CLEC4F: variants seen among roughly 807,000 people sequenced by gnomAD.
The protein encoded by CLEC4F is C-type lectin domain family 4 member F.
In CLEC4F, 45 loss-of-function variants were observed where a neutral mutation model predicts 53.4. The observed-to-expected ratio is 0.84, with a 90% CI of 0.66 to 1.08. The LOEUF (loss-of-function observed/expected upper bound fraction) is 1.08, where lower values mean the gene tolerates loss of function less well. Among genes scored for constraint, CLEC4F ranks in the 50% least tolerant of loss-of-function variants. The pLI, the probability that CLEC4F is intolerant of heterozygous loss-of-function variation, is 0.00. For missense variants in CLEC4F, 753 were observed against 698.2 expected (o/e 1.08, Z -0.88); for synonymous variants, 245 against 257.5 (o/e 0.95, Z 0.46).
chr2:70,820,465 TG>T lies in CLEC4F; in HGVS notation c.58del (p.Gln20LysfsTer28). On this transcript the variant is annotated frameshift_variant, in exon 1 of 7. Coordinates refer to ENST00000272367, the MANE Select transcript of CLEC4F (RefSeq NM_173535.3). LOFTEE classifies it high-confidence loss of function. The stretch of plus-strand genomic sequence containing the variant: ...AGCTGGGGCCCCAGTTTTCTCACCT[TG>T]GGGGTGCAGGGAGACACACTGGTTA... ...TDNQCVSLHPQEVDSVAMAPA... is the reference protein window; with the variant it reads ...TDNQCVSLHPXEVDSVAMAPA... 6.3e-7 allele frequency: 1 copy of T among 1,584,412 alleles called. No homozygotes were observed. The highest frequency in any genetic ancestry group is 8.6e-7 in the Non-Finnish European group (1 of 1,163,144).
chr2:70,809,528 ACACACATAC>A, intron 6 of CLEC4F, 146 bp from the exon 7 acceptor site: 1 of 924,834 alleles, frequency 1.1e-6, no homozygotes, highest in Non-Finnish European at 1.6e-6. Context: ...CACACACATC[ACACACATAC>A]CACACATACA....
intron 6 of CLEC4F, 63 bp downstream of exon 6, chr2:70,809,651 TACCACTTACTGGGAAGGGACACACA>T: frequency 9.8e-7 from 1 of 1,025,572 alleles, no homozygotes; most frequent in Non-Finnish European, 1.5e-6. Context: ...CACACAACAC[TACCACTTACTGGGAAGGGACACACA>T]GTGTGTAGCT....
Position 70,820,587 on chromosome 2 carries a change from G to T in CLEC4F, c.-64C>A. ...TGGCTCCTGGAAGGGCCGTCCCGTGGACCAATGGCAGTGGAAGCAAAGCTG... is the reference window on the plus strand; with the variant it reads ...TGGCTCCTGGAAGGGCCGTCCCGTGTACCAATGGCAGTGGAAGCAAAGCTG... On this transcript the variant is annotated 5_prime_UTR_variant, in exon 1 of 7. Coordinates refer to ENST00000272367, the MANE Select transcript of CLEC4F (RefSeq NM_173535.3). 4.0e-6 allele frequency: 6 copies of T among 1,494,706 alleles called. No homozygotes were observed. The highest frequency in any genetic ancestry group is 1.2e-5 in the South Asian group (1 of 80,600). The allele number at this position is 1,494,706 out of a possible 1,614,324, so 92.6% of individuals were successfully genotyped here.
intron 4 of CLEC4F, among the ~76,000 whole-genome samples, chr2:70,815,121 A>G (rs1367144321): frequency 1.3e-5 from 2 of 152,112 alleles, no homozygotes; most frequent in African/African-American, 4.8e-5. Flanking sequence ...TGGCTGCCCC[A>G]AACACTCCCT....
At chr2:70,817,434 G>T (rs1676987227) in intron 3 of CLEC4F, among the ~76,000 whole-genome samples, 1 of 152,172 alleles carries the variant, frequency 6.6e-6, no homozygotes, top group Non-Finnish European at 1.5e-5. Context: ...CGTTATAATT[G>T]CTCAACTTGA....
chr2:70,818,011 A>C (rs1454845531), intron 3 of CLEC4F, among the ~76,000 whole-genome samples: 1 of 152,188 alleles, frequency 6.6e-6, no homozygotes, highest in East Asian at 1.9e-4. Flanking sequence ...ACTAGGACCT[A>C]ATCTCACACA....
In CLEC4F at chr2:70,816,377, T is replaced by G; in HGVS notation, c.1004A>C (p.Lys335Thr). 3 of 1,613,978 alleles carry G rather than the reference T, an allele frequency of 1.9e-6. No individual in the cohort carries two copies. Among genetic ancestry groups the G allele is most frequent in the Non-Finnish European group, 2.5e-6 (3 of 1,179,972 alleles). Reference protein sequence around the residue: ...ERAGDEIHVLKRDLKMVTAQT... With the variant: ...ERAGDEIHVLTRDLKMVTAQT... ...GGCTGTGACCATTTTCAAATCCCTT[T>G]TTAACACGTGAATTTCATCACCAGC... Residue 335 changes from lysine to threonine, a missense_variant, in exon 4 of 7, where the codon AAA (lysine) becomes ACA (threonine). Physicochemically the swap from Lys to Thr is moderately conservative, Grantham distance 78. Transcript: ENST00000272367.
At chr2:70,822,479 A>T (rs1677252533), upstream of CLEC4F, among the ~76,000 whole-genome samples, 1 of 152,122 alleles carries the variant, frequency 6.6e-6, no homozygotes, top group Non-Finnish European at 1.5e-5. Flanking sequence ...GCCTAGCATT[A>T]GAAGAGAAGG....
intron 3 of CLEC4F, among the ~76,000 whole-genome samples, chr2:70,817,445 A>G (rs1676987823): frequency 1.3e-5 from 2 of 152,206 alleles, no homozygotes; most frequent in Admixed American, 6.5e-5. Context: ...CTCAACTTGA[A>G]AGTAACTGAT....
At chr2:70,812,683 G>T (rs1676634248) in intron 4 of CLEC4F, 85 bp from the exon 5 acceptor site, 1 of 1,364,338 alleles carries the variant, frequency 7.3e-7, no homozygotes, top group Non-Finnish European at 1.0e-6. Flanking sequence ...TCTAGGGCCT[G>T]CCCACTGAGG....
intron 3 of CLEC4F, among the ~76,000 whole-genome samples, chr2:70,818,486 C>G (rs1446089080): frequency 1.3e-5 from 2 of 151,980 alleles, no homozygotes; most frequent in Non-Finnish European, 2.9e-5. Flanking sequence ...CTGAGGTGGG[C>G]AGATCACGAG....
At position 70,817,020 on chromosome 2, in the gene CLEC4F, T is replaced by G. The variant is rs1553396489; in HGVS notation, c.361A>C (p.Ile121Leu). 1 of 1,614,182 alleles carries G rather than the reference T, an allele frequency of 6.2e-7. No homozygotes were observed. The highest frequency in any genetic ancestry group is 2.2e-5 in the East Asian group (1 of 44,888). ...MENSSAWVVE[I>L]QMLKCRVDNV... Reference sequence around the variant, plus strand: ...TCCACTCTGCACTTCAACATCTGGATTTCTACTACCCAGGCACTGGAATTC... The same window carrying G: ...TCCACTCTGCACTTCAACATCTGGAGTTCTACTACCCAGGCACTGGAATTC... The change falls in exon 4 of 7, where the codon ATC becomes CTC. Residue 121 changes from isoleucine (I) to leucine (L), a missense_variant. By Grantham distance (5) the Ile-to-Leu change is conservative. Transcript: ENST00000272367.
chr2:70,824,632 A>AAAAAAAAAAC (rs1553398635), upstream of CLEC4F, among the ~76,000 whole-genome samples: 2 of 149,384 alleles, frequency 1.3e-5, no homozygotes, highest in Non-Finnish European at 3.0e-5. Flanking sequence ...CAAAAAAAAA[A>AAAAAAAAAAC]AAAAAAAAAA....
chr2:70,809,190 T>A lies in CLEC4F; in HGVS notation c.*81A>T. 1 of 1,568,180 alleles carries A rather than the reference T, an allele frequency of 6.4e-7. No individual in the cohort carries two copies. Among genetic ancestry groups the A allele is most frequent in the Admixed American group, 1.9e-5 (1 of 52,014 alleles). ...GTCTAGGGAGCTGACTTGAGATGGG[T>A]CCTTCATCCCCTAGTGGCCCTAGGA... is the stretch of plus-strand genomic sequence containing the variant. On this transcript the variant is annotated 3_prime_UTR_variant, in exon 7 of 7. Coordinates refer to ENST00000272367, the MANE Select transcript of CLEC4F (RefSeq NM_173535.3).
rs1270319060 is a variant in CLEC4F, at chr2:70,811,103, T to TATAG, written c.1540-1250_1540-1247dup. On this transcript the variant is annotated intron_variant, in intron 5 of 6. Transcript: ENST00000272367. ...GCAGCACCAACAAGTGTGTGTCTAGTATAGTCTATAGCACGACACTCTTTT... is the reference window on the plus strand; with the variant it reads ...GCAGCACCAACAAGTGTGTGTCTAGTATAGATAGTCTATAGCACGACACTCTTTT... 12 of 680,066 alleles carry TATAG rather than the reference T, an allele frequency of 1.8e-5. No homozygotes were observed. The African/African-American group carries it at 1.8e-4, about 10-fold the overall frequency. 42.1% of individuals were successfully genotyped at this position (680,066 alleles called of 1,614,324 possible).
chr2:70,819,486 T>C, intron 2 of CLEC4F, 42 bp from the exon 3 acceptor site: 3 of 1,564,820 alleles, frequency 1.9e-6, no homozygotes, highest in Admixed American at 1.7e-5. Flanking sequence ...TCCCCAGCCC[T>C]GAGCCTGGGA....
At chr2:70,811,892 C>T (rs1336572167) in intron 5 of CLEC4F, among the ~76,000 whole-genome samples, 5 of 151,988 alleles carry the variant, frequency 3.3e-5, no homozygotes, top group Admixed American at 6.6e-5. Context: ...GGCAACATGG[C>T]GAAACCCCAT....
chr2:70,809,073 C>A lies in CLEC4F; in HGVS notation c.*198G>T. ...GCCAGTTGTCAGACTGATTCTTTTCCCAAAACCCGAAGACAACAGGGCTTT... is the reference window on the plus strand; with the variant it reads ...GCCAGTTGTCAGACTGATTCTTTTCACAAAACCCGAAGACAACAGGGCTTT... On this transcript the variant is annotated 3_prime_UTR_variant, in exon 7 of 7. Transcript: ENST00000272367. The A allele has an allele frequency of 6.5e-7, 1 of 1,544,502 alleles. No homozygotes were observed. The highest frequency in any genetic ancestry group is 8.7e-7 in the Non-Finnish European group (1 of 1,146,850).
chr2:70,817,221 C>G, intron 3 of CLEC4F, 109 bp from the exon 4 acceptor site: 2 of 1,191,568 alleles, frequency 1.7e-6, no homozygotes, highest in Non-Finnish European at 2.3e-6. Context: ...GGGTACTGCA[C>G]AGCCCTCAGT....
Sources: allele counts gnomAD v4.1 joint callset (sites outside exome capture counted in the v4.1 genomes callset), GRCh38; gene constraint gnomAD v4.1.1; transcripts MANE v1.5; gene names NCBI Gene and HGNC (gene_info 2026-07-23, HGNC 2026-07-21).